The following SRGAP1 variants were observed in gnomAD, a reference collection of about 807,000 sequenced individuals.
SRGAP1 encodes SLIT-ROBO Rho GTPase-activating protein 1.
SRGAP1 carries 43 observed loss-of-function variants against 121.9 expected under a neutral mutation model. The ratio of observed to expected loss-of-function variants is 0.35; its 90% CI spans 0.28 to 0.46. The LOEUF is 0.46. Ranked by LOEUF, SRGAP1 falls within the 20% of genes least tolerant of loss-of-function variation. The pLI is 1.00. For synonymous variants in SRGAP1, 447 were observed against 485.4 expected (o/e 0.92, Z 1.04); for missense variants, 1,102 against 1,350.9 (o/e 0.82, Z 2.89).
At chr12:63,870,311 T>C (rs1233791931) in intron 1 of SRGAP1, among the ~76,000 whole-genome samples, 1 of 152,142 alleles carries the variant, frequency 6.6e-6, no homozygotes, top group Non-Finnish European at 1.5e-5. Context: ...GGGTAGAACT[T>C]GCCTGTAGAG....
chr12:63,978,035 C>T (rs948075894), intron 1 of SRGAP1, among the ~76,000 whole-genome samples: 2 of 152,240 alleles, frequency 1.3e-5, no homozygotes, highest in African/African-American at 4.8e-5. Flanking sequence ...CCTTTGGGCT[C>T]ATGAAATCCT....
chr12:63,937,216 ACCTAAGAATT>A (rs2031693261), intron 1 of SRGAP1, among the ~76,000 whole-genome samples: 1 of 152,162 alleles, frequency 6.6e-6, no homozygotes, highest in South Asian at 2.1e-4. Context: ...GATTGTAGAA[ACCTAAGAATT>A]CCAGGCTAGA....
At chr12:64,099,298 C>T (rs2036217560) in intron 15 of SRGAP1, among the ~76,000 whole-genome samples, 1 of 152,148 alleles carries the variant, frequency 6.6e-6, no homozygotes. Flanking sequence ...AAGAAGAGTG[C>T]CTGGCACAGA....
At chr12:63,912,152 G>A (rs1475174587) in intron 1 of SRGAP1, among the ~76,000 whole-genome samples, 1 of 152,112 alleles carries the variant, frequency 6.6e-6, no homozygotes, top group Non-Finnish European at 1.5e-5. Context: ...GACACTTATT[G>A]ATCATCTACT....
chr12:64,141,141 A>AG (rs2036951972), intron 21 of SRGAP1, among the ~76,000 whole-genome samples: 1 of 146,202 alleles, frequency 6.8e-6, no homozygotes, highest in Non-Finnish European at 1.5e-5. Flanking sequence ...TGGAGAGGGG[A>AG]GGGATAGCAT....
At chr12:64,140,036 A>G (rs1169539616) in intron 21 of SRGAP1, among the ~76,000 whole-genome samples, 1 of 150,528 alleles carries the variant, frequency 6.6e-6, no homozygotes, top group East Asian at 1.9e-4. Flanking sequence ...AGGTTTGTCA[A>G]AGATCAGACA....
chr12:64,020,062 G>T (rs1426708805), intron 4 of SRGAP1, among the ~76,000 whole-genome samples: 2 of 152,130 alleles, frequency 1.3e-5, no homozygotes, highest in Non-Finnish European at 2.9e-5. Flanking sequence ...CAACCTTTGT[G>T]GTGGGTGACA....
At chr12:63,997,207 C>T (rs1270166306) in intron 3 of SRGAP1, among the ~76,000 whole-genome samples, 1 of 152,126 alleles carries the variant, frequency 6.6e-6, no homozygotes, top group Non-Finnish European at 1.5e-5. Flanking sequence ...GATACACCTG[C>T]ATAGGGCAGC....
intron 1 of SRGAP1, among the ~76,000 whole-genome samples, chr12:63,980,359 A>G (rs1369394083): frequency 2.6e-5 from 4 of 152,086 alleles, no homozygotes; most frequent in Non-Finnish European, 4.4e-5. Flanking sequence ...TGGCCCTTTG[A>G]TCTGTTCCGA....
intron 1 of SRGAP1, among the ~76,000 whole-genome samples, chr12:63,948,477 C>T (rs1317850655): frequency 6.6e-6 from 1 of 152,180 alleles, no homozygotes; most frequent in East Asian, 1.9e-4. Context: ...TCATCTCTGT[C>T]TTGGGATATC....
At chr12:64,029,108 A>G (rs1162683530) in intron 4 of SRGAP1, among the ~76,000 whole-genome samples, 1 of 152,198 alleles carries the variant, frequency 6.6e-6, no homozygotes, top group Non-Finnish European at 1.5e-5. Context: ...AGAGCTGTTC[A>G]GAAGTGGAAT....
chr12:63,851,470 G>A (rs1321471473), intron 1 of SRGAP1, among the ~76,000 whole-genome samples: 5 of 151,978 alleles, frequency 3.3e-5, no homozygotes, highest in Admixed American at 6.6e-5. Context: ...CAGGAACTTC[G>A]GTGTTAGCAG....
chr12:63,849,769 A>C (rs1191768593), intron 1 of SRGAP1, among the ~76,000 whole-genome samples: 1 of 152,184 alleles, frequency 6.6e-6, no homozygotes, highest in Non-Finnish European at 1.5e-5. Flanking sequence ...TCTCCAACCC[A>C]CTCATTACAT....
intron 10 of SRGAP1, among the ~76,000 whole-genome samples, chr12:64,083,736 A>C (rs76228962): frequency 0.01 from 1,561 of 152,144 alleles, 24 homozygotes; most frequent in African/African-American, 0.035. Context: ...AATGAGCCTT[A>C]ATGTTCACAT....
intron 3 of SRGAP1, among the ~76,000 whole-genome samples, chr12:64,011,016 A>G (rs1486681383): frequency 2.6e-5 from 4 of 151,902 alleles, no homozygotes; most frequent in Non-Finnish European, 5.9e-5. Context: ...TACATGTAGG[A>G]TTGTACCAGC....
intron 3 of SRGAP1, among the ~76,000 whole-genome samples, chr12:63,996,011 T>C (rs2033689762): frequency 6.6e-6 from 1 of 151,390 alleles, no homozygotes; most frequent in Admixed American, 6.6e-5. Context: ...TCTAAGGCTC[T>C]GACCTTGTTT....
intron 2 of SRGAP1, among the ~76,000 whole-genome samples, chr12:63,984,556 C>G (rs955239822): frequency 6.6e-5 from 10 of 152,066 alleles, no homozygotes; most frequent in South Asian, 2.1e-4. Flanking sequence ...TTTGTGCCCC[C>G]CTTCCTGCCC....
intron 1 of SRGAP1, among the ~76,000 whole-genome samples, chr12:63,877,606 G>A (rs1235500143): frequency 1.3e-5 from 2 of 152,138 alleles, no homozygotes; most frequent in African/African-American, 4.8e-5. Context: ...ACAACTATCT[G>A]GTTACTTCAT....
At position 64,009,401 on chromosome 12, in the gene SRGAP1, C is replaced by T. The variant is rs538537680; in HGVS notation, c.427-7549C>T. Among the ~76,000 whole-genome samples the T allele has an allele frequency of 1.1e-4, 17 of 152,110 alleles. No homozygotes were observed. The South Asian group carries it at 3.3e-3, about 30-fold the overall frequency. On this transcript the variant is annotated intron_variant, in intron 3 of 21. Coordinates refer to ENST00000355086, the MANE Select transcript of SRGAP1 (RefSeq NM_020762.4). ...AGAGCTAGGGAAATGAAAATGAAGA[C>T]GCTTGTTTCATCTACTTTATTTCCT...
Sources: allele counts gnomAD v4.1 joint callset (sites outside exome capture counted in the v4.1 genomes callset), GRCh38; gene constraint gnomAD v4.1.1; transcripts MANE v1.5; gene names NCBI Gene and HGNC (gene_info 2026-07-23, HGNC 2026-07-21).